The following FAM13B variants were observed in gnomAD, a reference collection of about 807,000 sequenced individuals.
FAM13B encodes the protein protein FAM13B.
In FAM13B, 60 loss-of-function variants were observed where a neutral mutation model predicts 117.3. The observed-to-expected ratio is 0.51, with a 90% confidence interval of 0.42 to 0.63. The LOEUF is 0.63. FAM13B is among the 30% of genes least tolerant of loss of function. The pLI is 0.00. For missense variants in FAM13B, 972 were observed against 1,091.9 expected, an observed-to-expected ratio of 0.89 and a Z score of 1.55; for synonymous variants, 332 against 356.1, an observed-to-expected ratio of 0.93 and a Z score of 0.76.
At chr5:137,972,028 G>A (rs1190325067) in intron 10 of FAM13B, among the ~76,000 whole-genome samples, 1 of 149,360 alleles carries the variant, frequency 6.7e-6, no homozygotes, top group Non-Finnish European at 1.5e-5. Flanking sequence ...AATTCTACCA[G>A]AGGTACAAGG....
chr5:138,024,870 TTTTG>T (rs1471215316), intron 1 of FAM13B, among the ~76,000 whole-genome samples: 6 of 137,692 alleles, frequency 4.4e-5, no homozygotes, highest in African/African-American at 1.6e-4. Flanking sequence ...AGTTTGTTTT[TTTTG>T]TTTGTTTTTT....
intron 7 of FAM13B, among the ~76,000 whole-genome samples, chr5:137,990,900 A>G (rs1047230057): frequency 2.6e-5 from 4 of 152,190 alleles, no homozygotes; most frequent in African/African-American, 9.6e-5. Context: ...GCTAGTGGGA[A>G]GGTTAATGAG....
chr5:138,031,312 G>A (rs1327648098), intron 1 of FAM13B, among the ~76,000 whole-genome samples: 1 of 152,168 alleles, frequency 6.6e-6, no homozygotes, highest in Non-Finnish European at 1.5e-5. Flanking sequence ...AACTTAAGCT[G>A]TGTCACACAC....
intron 10 of FAM13B, among the ~76,000 whole-genome samples, chr5:137,968,084 T>G (rs1770647348): frequency 6.6e-6 from 1 of 151,736 alleles, no homozygotes; most frequent in Non-Finnish European, 1.5e-5. Flanking sequence ...TAGCCAGGCG[T>G]AGTGGCGTGT....
At chr5:137,946,083 CA>C in intron 19 of FAM13B, 86 bp from the exon 20 acceptor site, 1 of 1,325,366 alleles carries the variant, frequency 7.5e-7, no homozygotes, top group Non-Finnish European at 1.1e-6. Flanking sequence ...CGCCCAATTT[CA>C]AATTTTATAT....
chr5:138,002,758 C>G (rs551219822), intron 7 of FAM13B, among the ~76,000 whole-genome samples: 1 of 149,588 alleles, frequency 6.7e-6, no homozygotes, highest in East Asian at 2.0e-4. Flanking sequence ...CTCTGCCTCC[C>G]GGGTTCACGC....
At chr5:137,992,305 A>AG (rs1290792106) in intron 7 of FAM13B, among the ~76,000 whole-genome samples, 2 of 151,570 alleles carry the variant, frequency 1.3e-5, no homozygotes, top group Non-Finnish European at 2.9e-5. Context: ...AATTGAAAAA[A>AG]AAAAAAGGCC....
At chr5:137,944,011 A>G (rs1256078970) in intron 20 of FAM13B, among the ~76,000 whole-genome samples, 1 of 152,178 alleles carries the variant, frequency 6.6e-6, no homozygotes, top group Non-Finnish European at 1.5e-5. Flanking sequence ...TGTGCCCATT[A>G]GCTGTTACTC....
At chr5:137,951,320 T>A (rs1764969623) in intron 17 of FAM13B, among the ~76,000 whole-genome samples, 1 of 151,492 alleles carries the variant, frequency 6.6e-6, no homozygotes, top group African/African-American at 2.4e-5. Flanking sequence ...TTCACTGCTA[T>A]ATCCCTAGTT....
Position 137,941,988 on chromosome 5 carries a change from T to C in FAM13B, c.2646A>G (p.Lys882=), listed in dbSNP as rs1033854169. The C allele has an allele frequency of 1.2e-6, 2 of 1,614,042 alleles. No homozygotes were observed. Among genetic ancestry groups the C allele is most frequent in the African/African-American group, 1.3e-5 (1 of 74,942 alleles). ...KARAEKKKLR[K]TLREFEEAFY... is the part of the protein sequence containing the mutation. ...ATGCTTCTTCAAATTCCCGCAACGT[T>C]TTGCGTAGTTTCTTTTTTTCAGCTC... is the stretch of plus-strand genomic sequence containing the variant. Residue 882 remains lysine, a synonymous_variant, in exon 23 of 24, where the codon AAA becomes AAG. Coordinates refer to ENST00000689681, the MANE Select transcript of FAM13B (RefSeq NM_001385994.1).
chr5:138,010,360 C>T (rs940646039), intron 6 of FAM13B, among the ~76,000 whole-genome samples: 7 of 152,182 alleles, frequency 4.6e-5, no homozygotes, highest in Non-Finnish European at 8.8e-5. Context: ...AATACCAACA[C>T]TTTGGAAGGC....
chr5:137,982,380 C>G (rs1165572992), intron 10 of FAM13B, among the ~76,000 whole-genome samples: 1 of 152,142 alleles, frequency 6.6e-6, no homozygotes, highest in Non-Finnish European at 1.5e-5. Flanking sequence ...TAGTGAAACT[C>G]TGTCTCAACT....
At chr5:137,944,592 C>G (rs1309652473) in intron 20 of FAM13B, among the ~76,000 whole-genome samples, 1 of 151,824 alleles carries the variant, frequency 6.6e-6, no homozygotes, top group African/African-American at 2.4e-5. Context: ...ATGGTGAAAC[C>G]CTGTCTCTAC....
At position 137,969,519 on chromosome 5, in the gene FAM13B, G is replaced by A. The variant is rs374902607; in HGVS notation, c.1180-7050C>T. On this transcript the variant is annotated intron_variant, in intron 10 of 23. Transcript: ENST00000689681. ...ACCACAAAGATGGGGAAAAAACAGAGCAGAAAAACTGGAAACTCTAAAAAG... is the reference window on the plus strand; with the variant it reads ...ACCACAAAGATGGGGAAAAAACAGAACAGAAAAACTGGAAACTCTAAAAAG... 4.8e-4 allele frequency among the ~76,000 whole-genome samples: 73 copies of A among 152,300 alleles called. 1 individual carries two copies. The highest frequency in any genetic ancestry group is 5.6e-4 in the Non-Finnish European group (38 of 68,032).
At position 137,985,320 on chromosome 5, in the gene FAM13B, G is replaced by C; in HGVS notation, c.1116C>G (p.Ser372Arg). ...SNRDCSKPVA[S>R]TNLDNEAMQQ... is the part of the protein sequence containing the mutation. ...GCATAGCTTCATTGTCTAAATTAGTGCTAGCCACAGGTTTTGAACAGTCTC... is the reference window on the plus strand; with the variant it reads ...GCATAGCTTCATTGTCTAAATTAGTCCTAGCCACAGGTTTTGAACAGTCTC... Residue 372 changes from serine to arginine, a missense_variant, in exon 10 of 24, where the codon AGC becomes AGG. Transcript: ENST00000689681. 1 of 1,613,688 alleles carries C rather than the reference G, an allele frequency of 6.2e-7. No homozygotes were observed. Among genetic ancestry groups the C allele is most frequent in the Non-Finnish European group, 8.5e-7 (1 of 1,179,830 alleles).
intron 1 of FAM13B, among the ~76,000 whole-genome samples, chr5:138,043,376 T>G (rs551742733): frequency 2.6e-5 from 4 of 151,632 alleles, no homozygotes; most frequent in Non-Finnish European, 4.4e-5. Flanking sequence ...AAATAAATAA[T>G]AAATAAGAAT....
intron 15 of FAM13B, 122 bp downstream of exon 15, chr5:137,954,039 CTCTTT>C: frequency 6.4e-6 from 4 of 621,688 alleles, no homozygotes; most frequent in Non-Finnish European, 2.7e-6. Flanking sequence ...CTCAATCTCT[CTCTTT>C]TTTTTTTTTT....
At chr5:137,976,286 T>C (rs903787046) in intron 10 of FAM13B, among the ~76,000 whole-genome samples, 3 of 152,082 alleles carry the variant, frequency 2.0e-5, no homozygotes, top group Non-Finnish European at 1.5e-5. Flanking sequence ...ATGCAAAACT[T>C]GTGCAAAAGG....
At chr5:137,947,024 T>C (rs1393351124) in intron 18 of FAM13B, among the ~76,000 whole-genome samples, 1 of 152,210 alleles carries the variant, frequency 6.6e-6, no homozygotes, top group Non-Finnish European at 1.5e-5. Flanking sequence ...AAGCAATGCT[T>C]CCCAAATTCA....
Sources: gnomAD v4.1 joint callset for allele counts (sites outside exome capture counted in the v4.1 genomes callset) on GRCh38, gnomAD v4.1.1 for gene constraint, MANE v1.5 for transcripts, NCBI Gene and HGNC (gene_info 2026-07-23, HGNC 2026-07-21) for gene names.